C9orf153: variants seen among roughly 807,000 people sequenced by gnomAD.
The protein encoded by C9orf153 is uncharacterized protein C9orf153.
A neutral mutation model predicts 9.0 loss-of-function variants in C9orf153; 10 were observed. That is an observed-to-expected ratio of 1.11 (90% CI 0.69 to 1.89). C9orf153 has a LOEUF of 1.89. Ranked by LOEUF, C9orf153 falls within the 40% of genes most tolerant of loss-of-function variation. The pLI, the probability that C9orf153 is intolerant of heterozygous loss-of-function variation, is 0.00. For missense variants in C9orf153, 108 were observed against 111.0 expected (o/e 0.97, Z 0.12); for synonymous variants, 35 against 37.3 (o/e 0.94, Z 0.23).
At chr9:86,227,085 G>A (rs939606565) in intron 3 of C9orf153, among the ~76,000 whole-genome samples, 1 of 152,108 alleles carries the variant, frequency 6.6e-6, no homozygotes, top group African/African-American at 2.4e-5. Flanking sequence ...ATCTTTTTAA[G>A]AGTGAATCTG....
chr9:86,253,668 C>T (rs1476126277), intron 1 of C9orf153, among the ~76,000 whole-genome samples: 1 of 152,222 alleles, frequency 6.6e-6, no homozygotes, highest in Non-Finnish European at 1.5e-5. Flanking sequence ...GATCATGGCT[C>T]ACTAAAGCCT....
chr9:86,253,180 A>T (rs1825032465), intron 1 of C9orf153, among the ~76,000 whole-genome samples: 1 of 152,224 alleles, frequency 6.6e-6, no homozygotes, highest in Non-Finnish European at 1.5e-5. Flanking sequence ...ATAATTGAAT[A>T]CACTGGTTAT....
chr9:86,259,385 T>C (rs554327113), intron 1 of C9orf153, among the ~76,000 whole-genome samples, 165 bp downstream of exon 1: 6 of 152,236 alleles, frequency 3.9e-5, no homozygotes, highest in Admixed American at 2.6e-4. Context: ...CTCATCCTTA[T>C]TGGTAAAGAT....
intron 2 of C9orf153, among the ~76,000 whole-genome samples, 173 bp downstream of exon 2, chr9:86,229,365 C>G (rs550963936): frequency 6.6e-6 from 1 of 152,132 alleles, no homozygotes; most frequent in South Asian, 2.1e-4. Flanking sequence ...GCCCACCTGC[C>G]CTGGGAAGAG....
chr9:86,229,708 T>C, intron 1 of C9orf153, 79 bp from the exon 2 acceptor site: 1 of 779,602 alleles, frequency 1.3e-6, no homozygotes, highest in African/African-American at 1.7e-5. Context: ...GTGAGACTTC[T>C]TAAATCTTAA....
At chr9:86,227,315 T>TTTTATTA (rs1554684006) in intron 3 of C9orf153, 1 of 1,420,866 alleles carries the variant, frequency 7.0e-7, no homozygotes, top group African/African-American at 1.8e-5. Context: ...CTCAGCTAAT[T>TTTTATTA]TTTATTTATT....
intron 1 of C9orf153, among the ~76,000 whole-genome samples, chr9:86,252,111 T>G (rs1471213681): frequency 3.3e-5 from 5 of 152,100 alleles, no homozygotes; most frequent in South Asian, 2.1e-4. Flanking sequence ...CTTGGCTCAC[T>G]GCAACCTCTG....
chr9:86,229,622 T>C lies in C9orf153; in HGVS notation c.-19A>G, dbSNP rs1434149027. ...GGAACATCGTGCTGGGATTTTATTC[T>C]CTAATTCCTAAAAAAAGCAATATGA... On this transcript the variant is annotated 5_prime_UTR_variant, in exon 2 of 4. Transcript: ENST00000339137. 6.3e-7 allele frequency: 1 copy of C among 1,593,704 alleles called. No individual in the cohort carries two copies.
intron 3 of C9orf153, among the ~76,000 whole-genome samples, chr9:86,225,389 T>C (rs1223985078): frequency 7.0e-6 from 1 of 142,854 alleles, no homozygotes; most frequent in African/African-American, 2.5e-5. Context: ...TTTCTTTCGT[T>C]TCTTTCTTTC....
chr9:86,239,584 G>A (rs533623225), intron 1 of C9orf153, among the ~76,000 whole-genome samples: 2 of 152,270 alleles, frequency 1.3e-5, no homozygotes, highest in South Asian at 4.1e-4. Flanking sequence ...GCTGGACTGG[G>A]GCTCAGCAGC....
intron 2 of C9orf153, chr9:86,228,716 A>C (rs1033017553): frequency 4.6e-5 from 7 of 152,738 alleles, no homozygotes; most frequent in African/African-American, 7.2e-5. Flanking sequence ...CAAAGAGGCC[A>C]TAGTCTCAGG....
chr9:86,231,052 C>T (rs1423191219), intron 1 of C9orf153, among the ~76,000 whole-genome samples: 2 of 152,108 alleles, frequency 1.3e-5, no homozygotes, highest in African/African-American at 2.4e-5. Context: ...GATCTGGCTG[C>T]CTATCTGGAG....
Position 86,229,555 on chromosome 9 carries a change from T to C in C9orf153, c.49A>G (p.Thr17Ala). The C allele has an allele frequency of 6.2e-7, 1 of 1,611,640 alleles. No individual in the cohort carries two copies. Residue 17 changes from threonine to alanine, a missense_variant, in exon 2 of 4, where the codon ACC becomes GCC. Transcript: ENST00000339137. Reference sequence around the variant, plus strand: ...GTACATACTGAACATTGAGGAAGGGTGGCTTCTCTATTGTCCTCAGCTGGA... The same window carrying C: ...GTACATACTGAACATTGAGGAAGGGCGGCTTCTCTATTGTCCTCAGCTGGA... The part of the protein sequence containing the change: ...TSPAEDNREA[T>A]LPQCSLPELY...
At chr9:86,256,855 A>C (rs1341156582) in intron 1 of C9orf153, among the ~76,000 whole-genome samples, 1 of 152,206 alleles carries the variant, frequency 6.6e-6, no homozygotes, top group African/African-American at 2.4e-5. Context: ...GCGCATAGCC[A>C]GTCAATAGCT....
chr9:86,257,000 G>C (rs941642959), intron 1 of C9orf153, among the ~76,000 whole-genome samples: 30 of 151,892 alleles, frequency 2.0e-4, no homozygotes, highest in African/African-American at 7.0e-4. Context: ...GTCTCAACAA[G>C]AAGAAGAAGA....
intron 3 of C9orf153, chr9:86,227,315 T>TTTTATTTA (rs146954955): frequency 0.011 from 15,326 of 1,425,596 alleles, 96 homozygotes; most frequent in African/African-American, 0.02. Context: ...CTCAGCTAAT[T>TTTTATTTA]TTTATTTATT....
rs117130106 is a variant in C9orf153, at chr9:86,249,996, G to A, written c.-27+9554C>T. Among the ~76,000 whole-genome samples, 1,337 of 152,242 alleles carry A rather than the reference G, an allele frequency of 8.8e-3. 9 individuals carry two copies. The highest frequency in any genetic ancestry group is 0.015 in the Non-Finnish European group (1,019 of 68,028). On this transcript the variant is annotated intron_variant, in intron 1 of 3. Transcript: ENST00000339137. The stretch of plus-strand genomic sequence containing the variant: ...CTCAATGGGGTATAGATGGTTATAC[G>A]TTCGTCTTCTTGGGGGCAAGGGTGA...
intron 1 of C9orf153, among the ~76,000 whole-genome samples, chr9:86,257,491 C>T (rs1280780147): frequency 6.6e-6 from 1 of 152,192 alleles, no homozygotes; most frequent in Admixed American, 6.5e-5. Flanking sequence ...TCAGCTGTCA[C>T]TTTTCATCTA....
chr9:86,229,963 G>A (rs1824433761), intron 1 of C9orf153, among the ~76,000 whole-genome samples: 1 of 152,032 alleles, frequency 6.6e-6, no homozygotes, highest in Non-Finnish European at 1.5e-5. Flanking sequence ...AGAGCAAAGG[G>A]GGAAGTGCTA....
Sources: gnomAD v4.1 joint callset for allele counts (sites outside exome capture counted in the v4.1 genomes callset) on GRCh38, gnomAD v4.1.1 for gene constraint, MANE v1.5 for transcripts, NCBI Gene and HGNC (gene_info 2026-07-23, HGNC 2026-07-21) for gene names.